Variants in DAB1 observed in about 807,000 individuals in gnomAD.
The protein encoded by DAB1 is disabled homolog 1.
A neutral mutation model predicts 64.6 loss-of-function variants in DAB1; 15 were observed. That is an observed-to-expected ratio of 0.23 (90% CI 0.16 to 0.36). DAB1 has a LOEUF of 0.36. DAB1 is among the 10% of genes least tolerant of loss of function. The probability of loss-of-function intolerance (pLI) is 1.00; values close to 1 mark genes in which losing one functional copy is unlikely to be tolerated. For missense variants in DAB1, 596 were observed against 706.7 expected (o/e 0.84, Z 1.78); for synonymous variants, 235 against 251.9 (o/e 0.93, Z 0.64).
At chr1:57,978,438 C>T (rs1200476514) in intron 5 of DAB1, among the ~76,000 whole-genome samples, 8 of 152,064 alleles carry the variant, frequency 5.3e-5, no homozygotes, top group East Asian at 1.9e-4. Context: ...AAGACTCAAA[C>T]GTAAGACCCA....
intron 5 of DAB1, among the ~76,000 whole-genome samples, chr1:57,958,142 G>A (rs984283393): frequency 1.3e-4 from 19 of 151,900 alleles, no homozygotes; most frequent in Non-Finnish European, 2.2e-4. Flanking sequence ...CTGCCACCAC[G>A]CTCTGCTAAA....
chr1:58,317,348 C>T (rs146152692), intron 4 of DAB1, among the ~76,000 whole-genome samples: 18 of 152,350 alleles, frequency 1.2e-4, no homozygotes, highest in African/African-American at 4.3e-4. Flanking sequence ...GATGAGATCT[C>T]ACTCTCATGA....
At chr1:57,400,537 C>G (rs1364974089) in intron 1 of DAB1, among the ~76,000 whole-genome samples, 1 of 151,502 alleles carries the variant, frequency 6.6e-6, no homozygotes, top group Non-Finnish European at 1.5e-5. Context: ...TCAAGCACTA[C>G]TTGCCAGTAT....
At chr1:57,664,355 T>C (rs1239066964) in intron 6 of DAB1, among the ~76,000 whole-genome samples, 3 of 152,190 alleles carry the variant, frequency 2.0e-5, no homozygotes, top group Admixed American at 6.5e-5. Context: ...ACTCTTAGAT[T>C]TGTAAATTGT....
intron 3 of DAB1, among the ~76,000 whole-genome samples, chr1:58,478,715 C>A (rs536551527): frequency 6.6e-6 from 1 of 152,142 alleles, no homozygotes; most frequent in Non-Finnish European, 1.5e-5. Context: ...AATATACACA[C>A]TGTCCTTTAG....
chr1:57,881,533 T>C (rs1379396133), intron 1 of DAB1, among the ~76,000 whole-genome samples: 1 of 152,230 alleles, frequency 6.6e-6, no homozygotes, highest in East Asian at 1.9e-4. Flanking sequence ...TGCTTCCTTA[T>C]CTATAAATCA....
intron 1 of DAB1, among the ~76,000 whole-genome samples, chr1:58,546,475 T>C (rs1305190216): frequency 6.7e-6 from 1 of 149,900 alleles, no homozygotes; most frequent in East Asian, 2.0e-4. Flanking sequence ...CCAGGACAGA[T>C]CCCCTCCGTC....
intron 3 of DAB1, among the ~76,000 whole-genome samples, chr1:58,432,268 T>C (rs917630569): frequency 3.9e-5 from 6 of 152,224 alleles, no homozygotes; most frequent in African/African-American, 1.4e-4. Flanking sequence ...AAAGTTCCTA[T>C]TATTTTTCTT....
chr1:57,892,561 T>A (rs1054731573), intron 5 of DAB1, among the ~76,000 whole-genome samples: 1 of 152,228 alleles, frequency 6.6e-6, no homozygotes, highest in African/African-American at 2.4e-5. Context: ...TGGTAAATAG[T>A]GGACTTTGGC....
chr1:58,118,503 T>TATATACACACACACAC (rs1341446315), intron 5 of DAB1, among the ~76,000 whole-genome samples: 10 of 53,110 alleles, frequency 1.9e-4, no homozygotes, highest in African/African-American at 6.2e-4. Flanking sequence ...TATATATATA[T>TATATACACACACACAC]ACACACACAC....
At chr1:57,561,767 G>A (rs1006162499) in intron 7 of DAB1, among the ~76,000 whole-genome samples, 2 of 152,284 alleles carry the variant, frequency 1.3e-5, no homozygotes, top group East Asian at 1.9e-4. Flanking sequence ...AGGCTGACCT[G>A]GCTACAGCCA....
chr1:58,378,050 T>C (rs1182750802), intron 3 of DAB1, among the ~76,000 whole-genome samples: 158 of 135,162 alleles, frequency 1.2e-3, no homozygotes, highest in Non-Finnish European at 1.7e-3. Flanking sequence ...TAAGCACTTC[T>C]CTGTATTGGT....
intron 9 of DAB1, among the ~76,000 whole-genome samples, chr1:57,038,186 A>G (rs909309312): frequency 6.6e-6 from 1 of 152,124 alleles, no homozygotes; most frequent in Non-Finnish European, 1.5e-5. Context: ...AGAATATCCT[A>G]TATTTGCATT....
intron 5 of DAB1, among the ~76,000 whole-genome samples, chr1:57,999,822 GGAGA>G (rs1310152563): frequency 6.6e-6 from 1 of 151,240 alleles, no homozygotes; most frequent in Non-Finnish European, 1.5e-5. Context: ...AGGAAGAGAG[GGAGA>G]GAGAGAAACA....
At position 57,711,347 on chromosome 1, in the gene DAB1, G is replaced by C. The variant is rs1647027078; in HGVS notation, n.552-61682C>G. Among the ~76,000 whole-genome samples, 3 of 152,206 alleles carry C rather than the reference G, an allele frequency of 2.0e-5. No homozygotes were observed. In the South Asian group the frequency reaches 6.2e-4, roughly 32 times the overall value. On this transcript the variant is annotated intron_variant and non_coding_transcript_variant, in intron 6 of 20. Coordinates refer to the DAB1 transcript ENST00000485760. Reference sequence around the variant, plus strand: ...ATCTCACTGCCATTATTTTGCAAAGGTGGTTTCAATCCCTCCCTTTGGATT... The same window carrying C: ...ATCTCACTGCCATTATTTTGCAAAGCTGGTTTCAATCCCTCCCTTTGGATT...
intron 4 of DAB1, among the ~76,000 whole-genome samples, chr1:58,223,843 C>A (rs1048066208): frequency 1.3e-4 from 20 of 152,320 alleles, no homozygotes; most frequent in African/African-American, 4.8e-4. Context: ...GGGGCCAGAG[C>A]CACGACCTAC....
intron 7 of DAB1, among the ~76,000 whole-genome samples, chr1:57,525,141 T>C (rs1644576214): frequency 6.6e-6 from 1 of 152,224 alleles, no homozygotes. Context: ...AGTTAGTATG[T>C]ACTTCTGCAA....
At chr1:57,406,126 C>T (rs1039936984) in intron 1 of DAB1, among the ~76,000 whole-genome samples, 5 of 152,180 alleles carry the variant, frequency 3.3e-5, no homozygotes, top group South Asian at 2.1e-4. Flanking sequence ...TGATGGAGAA[C>T]GTTGATTTTG....
At chr1:57,398,921 G>A (rs886346019) in intron 1 of DAB1, among the ~76,000 whole-genome samples, 1 of 132,696 alleles carries the variant, frequency 7.5e-6, no homozygotes, top group African/African-American at 2.7e-5. Context: ...GGCTGGCTTA[G>A]GGTTTTGAAT....
Sources: allele counts gnomAD v4.1 joint callset (sites outside exome capture counted in the v4.1 genomes callset), GRCh38; gene constraint gnomAD v4.1.1; transcripts MANE v1.5; gene names NCBI Gene and HGNC (gene_info 2026-07-23, HGNC 2026-07-21).